VAV2: variants seen among roughly 807,000 people sequenced by gnomAD.
The protein encoded by VAV2 is vav guanine nucleotide exchange factor 2.
Under a neutral mutation model 132.5 loss-of-function variants are expected in VAV2, and 67 were observed. The ratio of observed to expected loss-of-function variants is 0.51; its 90% CI spans 0.42 to 0.62. The LOEUF is 0.62. Ranked by LOEUF, VAV2 falls within the 20% of genes least tolerant of loss-of-function variation. The probability of loss-of-function intolerance (pLI) is 0.00; values close to 1 mark genes in which losing one functional copy is unlikely to be tolerated. For missense variants in VAV2, 938 were observed against 1,153.6 expected, an observed-to-expected ratio of 0.81 and a Z score of 2.71; for synonymous variants, 492 against 443.5, an observed-to-expected ratio of 1.11 and a Z score of -1.37.
intron 7 of VAV2, 69 bp downstream of exon 7, chr9:133,808,971 G>A (rs932823107): frequency 8.3e-5 from 119 of 1,434,384 alleles, no homozygotes; most frequent in Non-Finnish European, 1.1e-4. Flanking sequence ...TGCACTCCCA[G>A]GAGATAGGTG....
chr9:133,835,935 G>C (rs1369146097), intron 3 of VAV2, among the ~76,000 whole-genome samples: 1 of 152,188 alleles, frequency 6.6e-6, no homozygotes, highest in African/African-American at 2.4e-5. Context: ...CTGCATGGGT[G>C]AGCTCAGCTC....
At chr9:133,895,154 A>T (rs1238988538) in intron 2 of VAV2, among the ~76,000 whole-genome samples, 1 of 152,110 alleles carries the variant, frequency 6.6e-6, no homozygotes, top group African/African-American at 2.4e-5. Flanking sequence ...CAGGGGCTCA[A>T]CTCCTACAGC....
chr9:133,813,840 C>T (rs1440035775), intron 4 of VAV2, among the ~76,000 whole-genome samples: 1 of 152,208 alleles, frequency 6.6e-6, no homozygotes, highest in Non-Finnish European at 1.5e-5. Context: ...CATGGGCAAG[C>T]CCCTCTGTGT....
chr9:133,867,056 C>T (rs1837832810), intron 2 of VAV2, among the ~76,000 whole-genome samples: 1 of 152,182 alleles, frequency 6.6e-6, no homozygotes, highest in Non-Finnish European at 1.5e-5. Context: ...CACAAGGCTG[C>T]TGGGGCCTGC....
In VAV2 at chr9:133,834,836, T is replaced by A. The variant is rs1836401759; in HGVS notation, c.381-496A>T. On this transcript the variant is annotated intron_variant, in intron 3 of 29. Coordinates refer to ENST00000371850, the MANE Select transcript of VAV2 (RefSeq NM_001134398.2). This position sits in a 1 kb window ranked among gnomAD's most constrained non-coding sequence, Gnocchi z 5.9. ...CTTCTGAGGCACTGAGGGTAGGGGC[T>A]CACCCACGCCACCCACCAGCCACTG... Among the ~76,000 whole-genome samples, 1 of 152,042 alleles carries A rather than the reference T, an allele frequency of 6.6e-6. No individual in the cohort carries two copies. Among genetic ancestry groups the A allele is most frequent in the African/African-American group, 2.4e-5 (1 of 41,406 alleles).
chr9:133,827,283 A>G (rs374322877), intron 4 of VAV2, among the ~76,000 whole-genome samples: 200 of 15,356 alleles, frequency 0.013, 3 homozygotes, highest in African/African-American at 0.032. Context: ...GCGCCCACTG[A>G]GGCTGACCAC....
chr9:133,784,217 C>T, intron 18 of VAV2, 100 bp downstream of exon 18: 1 of 1,332,374 alleles, frequency 7.5e-7, no homozygotes, highest in Non-Finnish European at 1.1e-6. Context: ...CCCTCAGGGC[C>T]TCCCACAGGG....
chr9:133,895,754 C>A (rs190284198), intron 2 of VAV2, among the ~76,000 whole-genome samples: 244 of 152,210 alleles, frequency 1.6e-3, no homozygotes, highest in African/African-American at 5.6e-3. Context: ...ACTGAAAACC[C>A]CTGCACTGCA....
At chr9:133,783,260 G>A (rs1048153728) in intron 19 of VAV2, among the ~76,000 whole-genome samples, 1 of 152,122 alleles carries the variant, frequency 6.6e-6, no homozygotes, top group Admixed American at 6.5e-5. Context: ...AGATGGGGAG[G>A]GGTCCTCAAG....
chr9:133,971,220 T>C (rs891467733), intron 1 of VAV2, among the ~76,000 whole-genome samples: 4 of 152,194 alleles, frequency 2.6e-5, no homozygotes, highest in African/African-American at 9.6e-5. Flanking sequence ...ACTGCTGCTG[T>C]GAGGCCTGTC....
chr9:133,987,875 T>C (rs1842905230), intron 1 of VAV2, among the ~76,000 whole-genome samples: 1 of 152,164 alleles, frequency 6.6e-6, no homozygotes, highest in South Asian at 2.1e-4. Flanking sequence ...TAAAATAAAG[T>C]AGATCCTGCC....
At chr9:133,786,708 C>A (rs1040581404) in intron 16 of VAV2, among the ~76,000 whole-genome samples, 5 of 152,260 alleles carry the variant, frequency 3.3e-5, no homozygotes, top group African/African-American at 1.2e-4. Flanking sequence ...CCCTTCCCTG[C>A]CTCCCCTTCG....
At chr9:133,925,289 A>T (rs970837530) in intron 2 of VAV2, among the ~76,000 whole-genome samples, 6 of 152,012 alleles carry the variant, frequency 3.9e-5, no homozygotes, top group Admixed American at 1.3e-4. Context: ...CAATCTTGGG[A>T]CACTGCAACC....
At chr9:133,908,089 G>C (rs562901454) in intron 2 of VAV2, among the ~76,000 whole-genome samples, 1 of 133,442 alleles carries the variant, frequency 7.5e-6, no homozygotes, top group East Asian at 2.4e-4. Flanking sequence ...CCCAGAGAGT[G>C]GAGGGAGGGT....
intron 10 of VAV2, 140 bp from the exon 11 acceptor site, chr9:133,796,664 C>G (rs185536372): frequency 1.4e-6 from 1 of 699,314 alleles, no homozygotes; most frequent in Admixed American, 2.8e-5. Context: ...GCCAGGCTCC[C>G]GGAACCAGTC....
chr9:133,852,626 T>G (rs915059175), intron 3 of VAV2, among the ~76,000 whole-genome samples: 14 of 152,108 alleles, frequency 9.2e-5, no homozygotes, highest in African/African-American at 3.4e-4. Flanking sequence ...CTGCAGAAGC[T>G]CAGGCTGGCT....
intron 2 of VAV2, among the ~76,000 whole-genome samples, chr9:133,924,450 G>C (rs1840401900): frequency 6.6e-6 from 1 of 152,210 alleles, no homozygotes; most frequent in Non-Finnish European, 1.5e-5. Flanking sequence ...GCCTCCCAAA[G>C]TGCCGGGATT....
Position 133,868,404 on chromosome 9 carries a change from G to A in VAV2, c.322-6972C>T, listed in dbSNP as rs567736646. 3.3e-5 allele frequency among the ~76,000 whole-genome samples: 5 copies of A among 152,326 alleles called. No individual in the cohort carries two copies. The East Asian group carries it at 5.8e-4, about 18-fold the overall frequency. ...CCCTGGGTTCAAATCCGCCCTTCCC[G>A]GGCACCGTGCTGAGGCTCCCTGAGG... On this transcript the variant is annotated intron_variant, in intron 2 of 29. Coordinates refer to ENST00000371850, the MANE Select transcript of VAV2 (RefSeq NM_001134398.2).
chr9:133,781,630 CA>C (rs1834010252), intron 19 of VAV2, among the ~76,000 whole-genome samples: 1 of 152,244 alleles, frequency 6.6e-6, no homozygotes. Flanking sequence ...CGGCAGAGCC[CA>C]GGGGTGAAGG....
Sources: allele counts gnomAD v4.1 joint callset (sites outside exome capture counted in the v4.1 genomes callset), GRCh38; gene constraint gnomAD v4.1.1; non-coding constraint Gnocchi (gnomAD v3.1); transcripts MANE v1.5; gene names NCBI Gene and HGNC (gene_info 2026-07-23, HGNC 2026-07-21).